Variants in TAS2R5 observed in about 807,000 individuals in gnomAD.
TAS2R5 encodes the protein taste receptor type 2 member 5.
Under a neutral mutation model 14.4 loss-of-function variants are expected in TAS2R5, and 11 were observed. The ratio of observed to expected loss-of-function variants is 0.77; its 90% CI spans 0.48 to 1.27. The LOEUF is 1.27. Among genes scored for constraint, TAS2R5 ranks in the 50% most tolerant of loss-of-function variants. The pLI, the probability that TAS2R5 is intolerant of heterozygous loss-of-function variation, is 0.00. For missense variants in TAS2R5, 339 were observed against 353.9 expected (o/e 0.96, Z 0.34); for synonymous variants, 120 against 137.1 (o/e 0.87, Z 0.87).
At chr7:141,790,677 A>T in the TAS2R5 span, 2 of 1,614,180 alleles carry the variant, frequency 1.2e-6, no homozygotes, top group Non-Finnish European at 1.7e-6. Flanking sequence ...CTATTGCAAG[A>T]AGATCACGAC....
rs2234018 is a variant in TAS2R5, at chr7:141,791,317, T to A, written c.*56T>A. The A allele has an allele frequency of 6.6e-4, 991 of 1,497,576 alleles. 11 individuals carry two copies. The African/African-American group carries it at 0.013, about 19-fold the overall frequency. The allele number at this position is 1,497,576 out of a possible 1,614,324, so 92.8% of individuals were successfully genotyped here. A position where few individuals can be genotyped will look rare whatever the true frequency, so the allele number is the denominator to read the frequency against. ...TTGGGACGCTCTTTTGATAGCTCTCTATAAGGGAGCTGCTTTCCATGTCTT... is the reference window on the plus strand; with the variant it reads ...TTGGGACGCTCTTTTGATAGCTCTCAATAAGGGAGCTGCTTTCCATGTCTT... On this transcript the variant is annotated 3_prime_UTR_variant, in exon 1 of 1. Transcript: ENST00000247883.
At position 141,790,218 on chromosome 7, in the gene TAS2R5, A is replaced by T; in HGVS notation, c.-144A>T. ...TTCCAACCTCTCTGTTCCTCATCAC[A>T]GCTGTTCAGTCTCGCTTGAAGACAG... On this transcript the variant is annotated 5_prime_UTR_variant, in exon 1 of 1. Transcript: ENST00000247883. 1 of 818,176 alleles carries T rather than the reference A, an allele frequency of 1.2e-6. No homozygotes were observed. The highest frequency in any genetic ancestry group is 1.9e-6 in the Non-Finnish European group (1 of 524,020). 50.7% of individuals were successfully genotyped at this position (818,176 alleles called of 1,614,324 possible). A position where few individuals can be genotyped will look rare whatever the true frequency, so the allele number is the denominator to read the frequency against.
chr7:141,790,399 C>T lies in TAS2R5; in HGVS notation c.38C>T (p.Ala13Val). 6.2e-7 allele frequency: 1 copy of T among 1,614,168 alleles called. No homozygotes were observed. Among genetic ancestry groups the T allele is most frequent in the South Asian group, 1.1e-5 (1 of 91,088 alleles). Residue 13 changes from alanine (A) to valine (V), a missense_variant, in exon 1 of 1, where the codon GCA becomes GTA. Ala to Val is a moderately conservative substitution (Grantham distance 64). Coordinates refer to ENST00000247883, the MANE Select transcript of TAS2R5 (RefSeq NM_018980.3). The stretch of plus-strand genomic sequence containing the variant: ...GGCCTAGGACTGCTGATGCTGGTGG[C>T]AGTGGTTGAATTTCTCATCGGTTTA... Reference protein sequence around the residue: ...SAGLGLLMLVAVVEFLIGLIG... With the variant: ...SAGLGLLMLVVVVEFLIGLIG...
Position 141,790,380 on chromosome 7 carries a change from G to C in TAS2R5, c.19G>C (p.Gly7Arg). MLSAGLGLLMLVAVVEF... is the reference protein window; with the variant it reads MLSAGLRLLMLVAVVEF... ...CCCAGCCATGCTGAGCGCTGGCCTA[G>C]GACTGCTGATGCTGGTGGCAGTGGT... Residue 7 changes from glycine to arginine, a missense_variant, in exon 1 of 1, where the codon GGA becomes CGA. Physicochemically the swap from Gly to Arg is moderately radical, Grantham distance 125. Coordinates refer to ENST00000247883, the MANE Select transcript of TAS2R5 (RefSeq NM_018980.3). 6.2e-7 allele frequency: 1 copy of C among 1,614,132 alleles called. No homozygotes were observed. The highest frequency in any genetic ancestry group is 8.5e-7 in the Non-Finnish European group (1 of 1,179,982).
Position 141,791,314 on chromosome 7 carries a change from C to G in TAS2R5, c.*53C>G, listed in dbSNP as rs1455085733. On this transcript the variant is annotated 3_prime_UTR_variant, in exon 1 of 1. Coordinates refer to ENST00000247883, the MANE Select transcript of TAS2R5 (RefSeq NM_018980.3). The stretch of plus-strand genomic sequence containing the variant: ...CTCTTGGGACGCTCTTTTGATAGCT[C>G]TCTATAAGGGAGCTGCTTTCCATGT... 2.6e-6 allele frequency: 4 copies of G among 1,523,922 alleles called. No homozygotes were observed. The highest frequency in any genetic ancestry group is 4.1e-5 in the Admixed American group (2 of 49,336). The allele number at this position is 1,523,922 out of a possible 1,614,324, so 94.4% of individuals were successfully genotyped here. A position where few individuals can be genotyped will look rare whatever the true frequency, so the allele number is the denominator to read the frequency against.
chr7:141,790,336 G>A lies in TAS2R5; in HGVS notation c.-26G>A. On this transcript the variant is annotated 5_prime_UTR_variant, in exon 1 of 1. Coordinates refer to ENST00000247883, the MANE Select transcript of TAS2R5 (RefSeq NM_018980.3). ...CCAGGGGATCTGACCTCAGCCAGGA[G>A]CAGTGAGAGCCTCCTCTCCCCAGCC... is the stretch of plus-strand genomic sequence containing the variant. The A allele has an allele frequency of 6.2e-7, 1 of 1,605,534 alleles. No homozygotes were observed. Among genetic ancestry groups the A allele is most frequent in the Non-Finnish European group, 8.5e-7 (1 of 1,175,894 alleles).
chr7:141,790,816 C>T lies in TAS2R5; in HGVS notation c.455C>T (p.Pro152Leu). 2 of 1,614,132 alleles carry T rather than the reference C, an allele frequency of 1.2e-6. No homozygotes were observed. The highest frequency in any genetic ancestry group is 1.7e-6 in the Non-Finnish European group (2 of 1,180,008). ...ATTGGCTTAACATTCTATCATCCTCCCCAAGGAAACAGCAGCATTCGGTAT... is the reference window on the plus strand; with the variant it reads ...ATTGGCTTAACATTCTATCATCCTCTCCAAGGAAACAGCAGCATTCGGTAT... ...VQIGLTFYHP[P>L]QGNSSIRYPF... The change falls in exon 1 of 1, where the codon CCC becomes CTC. Residue 152 changes from proline to leucine, a missense_variant. Physicochemically the swap from Pro to Leu is moderately conservative, Grantham distance 98. Coordinates refer to ENST00000247883, the MANE Select transcript of TAS2R5 (RefSeq NM_018980.3).
rs749483407 is a variant in TAS2R5 at position 141,790,764 on chromosome 7, A to G, written c.403A>G (p.Ile135Val). ...LSLWCLLGYFIINLLLTVQIG... is the reference protein window; with the variant it reads ...LSLWCLLGYFVINLLLTVQIG... ...TCTCTGGTGCCTTCTGGGCTACTTT[A>G]TAATCAATTTGTTACTTACAGTCCA... The change falls in exon 1 of 1, where the codon ATA becomes GTA. Residue 135 changes from isoleucine (I) to valine (V), a missense_variant. By Grantham distance (29) the Ile-to-Val change is conservative. Coordinates refer to ENST00000247883, the MANE Select transcript of TAS2R5 (RefSeq NM_018980.3). The G allele has an allele frequency of 3.1e-6, 5 of 1,614,098 alleles. No individual in the cohort carries two copies. Among genetic ancestry groups the G allele is most frequent in the Middle Eastern group, 1.6e-4 (1 of 6,062 alleles).
At chr7:141,790,466 G>A in the TAS2R5 span, 5 of 1,614,184 alleles carry the variant, frequency 3.1e-6, no homozygotes, top group Non-Finnish European at 4.2e-6. Flanking sequence ...TTAGAGAATG[G>A]ATCAGAAAAT....
Position 141,791,292 on chromosome 7 carries a change from T to C in TAS2R5, c.*31T>C. The C allele has an allele frequency of 6.3e-7, 1 of 1,577,348 alleles. No individual in the cohort carries two copies. Among genetic ancestry groups the C allele is most frequent in the Non-Finnish European group, 8.6e-7 (1 of 1,163,444 alleles). On this transcript the variant is annotated 3_prime_UTR_variant, in exon 1 of 1. Transcript: ENST00000247883. Reference sequence around the variant, plus strand: ...GAAGAAAAGTGTGGTCAGGACACTCTTGGGACGCTCTTTTGATAGCTCTCT... The same window carrying C: ...GAAGAAAAGTGTGGTCAGGACACTCCTGGGACGCTCTTTTGATAGCTCTCT...
In TAS2R5 at chr7:141,791,009, T is replaced by A; in HGVS notation, c.648T>A (p.Ala216=). 6.2e-7 allele frequency: 1 copy of A among 1,614,204 alleles called. No individual in the cohort carries two copies. Among genetic ancestry groups the A allele is most frequent in the Non-Finnish European group, 8.5e-7 (1 of 1,180,036 alleles). Residue 216 remains alanine, a synonymous_variant, in exon 1 of 1, where the codon GCT becomes GCA. Transcript: ENST00000247883. ...SAGRRDVRAK[A]HITALKSLGC... ...GTAGGAGGGATGTCCGGGCCAAGGC[T>A]CACATCACTGCGCTGAAGTCCTTGG...
In TAS2R5 at chr7:141,791,158, C is replaced by G; in HGVS notation, c.797C>G (p.Ser266Cys). 1 of 1,614,166 alleles carries G rather than the reference C, an allele frequency of 6.2e-7. No individual in the cohort carries two copies. The highest frequency in any genetic ancestry group is 1.1e-5 in the South Asian group (1 of 91,080). Residue 266 changes from serine (S) to cysteine (C), a missense_variant, in exon 1 of 1, where the codon TCT (serine) becomes TGT (cysteine). Physicochemically the swap from Ser to Cys is moderately radical, Grantham distance 112. Coordinates refer to ENST00000247883, the MANE Select transcript of TAS2R5 (RefSeq NM_018980.3). Reference sequence around the variant, plus strand: ...GAGACACTCATGGCAGCCTATCCTTCTCTTCATTCTCTCATATTGATCATG... The same window carrying G: ...GAGACACTCATGGCAGCCTATCCTTGTCTTCATTCTCTCATATTGATCATG... ...IWETLMAAYPSLHSLILIMGI... is the reference protein window; with the variant it reads ...IWETLMAAYPCLHSLILIMGI...
rs372174387 is a variant in TAS2R5 at position 141,790,370 on chromosome 7, C to T, written c.9C>T (p.Ser3=). The change falls in exon 1 of 1, where the codon AGC becomes AGT. Residue 3 remains serine (S), a synonymous_variant. Transcript: ENST00000247883. ML[S]AGLGLLMLVA... is the part of the protein sequence containing the mutation. ...GCCTCCTCTCCCCAGCCATGCTGAG[C>T]GCTGGCCTAGGACTGCTGATGCTGG... 31 of 1,613,696 alleles carry T rather than the reference C, an allele frequency of 1.9e-5. No homozygotes were observed. In the African/African-American group the frequency reaches 2.1e-4, roughly 11 times the overall value.
In TAS2R5 at chr7:141,790,997, C is replaced by T. The variant is rs1584787395; in HGVS notation, c.636C>T (p.Val212=). 6.2e-7 allele frequency: 1 copy of T among 1,614,172 alleles called. No individual in the cohort carries two copies. Residue 212 remains valine (V), a synonymous_variant, in exon 1 of 1, where the codon GTC becomes GTT. Coordinates refer to ENST00000247883, the MANE Select transcript of TAS2R5 (RefSeq NM_018980.3). The stretch of plus-strand genomic sequence containing the variant: ...TCCATTCAGCTGGTAGGAGGGATGT[C>T]CGGGCCAAGGCTCACATCACTGCGC... The part of the protein sequence containing the change: ...MKVHSAGRRD[V]RAKAHITALK...
In TAS2R5 at chr7:141,791,096, G is replaced by T. The variant is rs1205616834; in HGVS notation, c.735G>T (p.Lys245Asn). Residue 245 changes from lysine to asparagine, a missense_variant, in exon 1 of 1, where the codon AAG becomes AAT. Physicochemically the swap from Lys to Asn is moderately conservative, Grantham distance 94. Transcript: ENST00000247883. ...CCAGCCCCTTCTCCATCACCTCCAA[G>T]ACTTATCCTCCTGATCTCACCAGTG... is the stretch of plus-strand genomic sequence containing the variant. Reference protein sequence around the residue: ...IMASPFSITSKTYPPDLTSVF... With the variant: ...IMASPFSITSNTYPPDLTSVF... 6.2e-7 allele frequency: 1 copy of T among 1,614,122 alleles called. No individual in the cohort carries two copies. Among genetic ancestry groups the T allele is most frequent in the African/African-American group, 1.3e-5 (1 of 75,028 alleles).
Position 141,791,008 on chromosome 7 carries a change from C to T in TAS2R5, c.647C>T (p.Ala216Val). Residue 216 changes from alanine (A) to valine (V), a missense_variant, in exon 1 of 1, where the codon GCT becomes GTT. Physicochemically the swap from Ala to Val is moderately conservative, Grantham distance 64 (BLOSUM62 0). Coordinates refer to ENST00000247883, the MANE Select transcript of TAS2R5 (RefSeq NM_018980.3). ...GGTAGGAGGGATGTCCGGGCCAAGGCTCACATCACTGCGCTGAAGTCCTTG... is the reference window on the plus strand; with the variant it reads ...GGTAGGAGGGATGTCCGGGCCAAGGTTCACATCACTGCGCTGAAGTCCTTG... Reference protein sequence around the residue: ...SAGRRDVRAKAHITALKSLGC... With the variant: ...SAGRRDVRAKVHITALKSLGC... 1.2e-6 allele frequency: 2 copies of T among 1,614,174 alleles called. No homozygotes were observed. Among genetic ancestry groups the T allele is most frequent in the South Asian group, 2.2e-5 (2 of 91,084 alleles).
rs370040721 is a variant in TAS2R5, at chr7:141,790,599, T to A, written c.238T>A (p.Tyr80Asn). The change falls in exon 1 of 1, where the codon TAT becomes AAT. Residue 80 changes from tyrosine (Y) to asparagine (N), a missense_variant. Coordinates refer to ENST00000247883, the MANE Select transcript of TAS2R5 (RefSeq NM_018980.3). Reference sequence around the variant, plus strand: ...TTTCCAGAGCAGCCGTTGGCTTCGCTATCTTAGTATCTTCTGGGTCCTGGT... The same window carrying A: ...TTTCCAGAGCAGCCGTTGGCTTCGCAATCTTAGTATCTTCTGGGTCCTGGT... ...PLFQSSRWLRYLSIFWVLVSQ... is the reference protein window; with the variant it reads ...PLFQSSRWLRNLSIFWVLVSQ... 1.9e-6 allele frequency: 3 copies of A among 1,614,080 alleles called. No homozygotes were observed. The African/African-American group carries it at 4.0e-5, about 22-fold the overall frequency.
chr7:141,790,426 T>C lies in TAS2R5; in HGVS notation c.65T>C (p.Ile22Thr), dbSNP rs750558319. The change falls in exon 1 of 1, where the codon ATT (isoleucine) becomes ACT (threonine). Residue 22 changes from isoleucine (I) to threonine (T), a missense_variant. Ile to Thr is a moderately conservative substitution (Grantham distance 89). Coordinates refer to ENST00000247883, the MANE Select transcript of TAS2R5 (RefSeq NM_018980.3). ...VAVVEFLIGL[I>T]GNGSLVVWSF... ...GTGGTTGAATTTCTCATCGGTTTAA[T>C]TGGAAATGGAAGCCTGGTGGTCTGG... 25 of 1,614,062 alleles carry C rather than the reference T, an allele frequency of 1.5e-5. No homozygotes were observed. The highest frequency in any genetic ancestry group is 1.9e-5 in the Non-Finnish European group (23 of 1,180,000).
At position 141,791,330 on chromosome 7, in the gene TAS2R5, C is replaced by G. The variant is rs1366397478; in HGVS notation, c.*69C>G. 7.1e-7 allele frequency: 1 copy of G among 1,416,670 alleles called. No homozygotes were observed. The highest frequency in any genetic ancestry group is 9.5e-7 in the Non-Finnish European group (1 of 1,048,438). 87.8% of individuals were successfully genotyped at this position (1,416,670 alleles called of 1,614,324 possible). ...TTGATAGCTCTCTATAAGGGAGCTGCTTTCCATGTCTTTTAAGATTTTCCT... is the reference window on the plus strand; with the variant it reads ...TTGATAGCTCTCTATAAGGGAGCTGGTTTCCATGTCTTTTAAGATTTTCCT... On this transcript the variant is annotated 3_prime_UTR_variant, in exon 1 of 1. Transcript: ENST00000247883.
Sources: allele counts gnomAD v4.1 joint callset, GRCh38; gene constraint gnomAD v4.1.1; transcripts MANE v1.5; gene names NCBI Gene and HGNC (gene_info 2026-07-23, HGNC 2026-07-21).